FBXO15: variants seen among roughly 807,000 people sequenced by gnomAD.
The protein encoded by FBXO15 is F-box protein 15.
Under a neutral mutation model 49.5 loss-of-function variants are expected in FBXO15, and 30 were observed. The observed-to-expected ratio is 0.61, with a 90% confidence interval of 0.45 to 0.82. The LOEUF is 0.82. Among genes scored for constraint, FBXO15 ranks in the 40% least tolerant of loss-of-function variants. The pLI is 0.00. For missense variants in FBXO15, 591 were observed against 631.5 expected, an observed-to-expected ratio of 0.94 and a Z score of 0.69; for synonymous variants, 250 against 232.7, an observed-to-expected ratio of 1.07 and a Z score of -0.68.
At chr18:74,093,266 G>C (rs370257265) in intron 8 of FBXO15, among the ~76,000 whole-genome samples, 3,041 of 149,898 alleles carry the variant, frequency 0.02, 157 homozygotes, top group African/African-American at 0.07. Flanking sequence ...AAAACAATGG[G>C]GGGGGGGTGG....
intron 8 of FBXO15, among the ~76,000 whole-genome samples, chr18:74,110,359 G>C (rs1202141134): frequency 3.3e-5 from 5 of 151,366 alleles, no homozygotes; most frequent in Non-Finnish European, 7.4e-5. Context: ...TGGTAAATAT[G>C]GTAAATTGTA....
At chr18:74,103,421 T>C (rs1048713895) in intron 8 of FBXO15, among the ~76,000 whole-genome samples, 2 of 151,214 alleles carry the variant, frequency 1.3e-5, no homozygotes, top group Non-Finnish European at 2.9e-5. Context: ...GGTGTTCGAT[T>C]GAAAGTTGAG....
At chr18:74,095,335 C>T (rs1339508297) in intron 8 of FBXO15, among the ~76,000 whole-genome samples, 5 of 152,182 alleles carry the variant, frequency 3.3e-5, no homozygotes, top group Admixed American at 3.3e-4. Flanking sequence ...TTTTAACATG[C>T]CTTCCTCACT....
chr18:74,130,831 T>C lies in FBXO15; in HGVS notation c.333-173A>G, dbSNP rs562510694. On this transcript the variant is annotated intron_variant, in intron 3 of 9. Coordinates refer to ENST00000419743, the MANE Select transcript of FBXO15 (RefSeq NM_001142958.2). ...AAGTGAATTGCAGTTTGAGATTTAG[T>C]GTTTTAAATTCAACACCACCAAAAA... The C allele has an allele frequency of 1.0e-5, 7 of 700,310 alleles. No individual in the cohort carries two copies. In the Admixed American group the frequency reaches 2.4e-4, roughly 24 times the overall value. 43.4% of individuals were successfully genotyped at this position (700,310 alleles called of 1,614,324 possible). A position where few individuals can be genotyped will look rare whatever the true frequency, so the allele number is the denominator to read the frequency against.
intron 3 of FBXO15, among the ~76,000 whole-genome samples, chr18:74,133,667 G>A (rs1049315706): frequency 1.3e-5 from 2 of 152,204 alleles, no homozygotes; most frequent in African/African-American, 4.8e-5. Context: ...TAGTTCTGCA[G>A]GCTATACAAG....
rs62096992 is a variant in FBXO15 at position 74,094,402 on chromosome 18, G to A, written c.1139-12351C>T. Among the ~76,000 whole-genome samples the A allele has an allele frequency of 5.2e-3, 798 of 152,040 alleles. 6 individuals are homozygous for A. Among genetic ancestry groups the A allele is most frequent in the Non-Finnish European group, 7.9e-3 (540 of 67,972 alleles). On this transcript the variant is annotated intron_variant, in intron 8 of 9. Transcript: ENST00000419743. ...ATATGATGTGCCTACTCCCCACTTC[G>A]CCTTCCACCCTGATTGTAAGCTTCC...
At chr18:74,081,849 T>C in intron 9 of FBXO15, 78 bp downstream of exon 9, 1 of 976,966 alleles carries the variant, frequency 1.0e-6, no homozygotes, top group Non-Finnish European at 1.5e-6. Context: ...TATGACAATA[T>C]AATTTATATA....
intron 8 of FBXO15, among the ~76,000 whole-genome samples, chr18:74,083,979 T>C (rs541103879): frequency 5.3e-5 from 8 of 152,322 alleles, no homozygotes; most frequent in African/African-American, 1.7e-4. Flanking sequence ...GTGATAAAAC[T>C]GATGCAGAGA....
intron 8 of FBXO15, among the ~76,000 whole-genome samples, chr18:74,084,651 A>G (rs915744014): frequency 6.6e-6 from 1 of 152,154 alleles, no homozygotes; most frequent in Admixed American, 6.5e-5. Flanking sequence ...ATCTTAACTT[A>G]CCAATACACA....
At chr18:74,079,734 T>G (rs371041847) in intron 9 of FBXO15, among the ~76,000 whole-genome samples, 2 of 152,336 alleles carry the variant, frequency 1.3e-5, no homozygotes, top group East Asian at 3.9e-4. Context: ...AAAGATACTT[T>G]CCACCTGAAT....
In FBXO15 at chr18:74,140,277, G is replaced by A; in HGVS notation, c.152C>T (p.Ala51Val). The change falls in exon 2 of 10, where the codon GCT becomes GTT. Residue 51 changes from alanine (A) to valine (V), a missense_variant. Coordinates refer to ENST00000419743, the MANE Select transcript of FBXO15 (RefSeq NM_001142958.2). Reference sequence around the variant, plus strand: ...ACCTCCGGCATGGCACCTCAGGGCAGCAGAGCCTGCAGAAAGCTTGACCCC... The same window carrying A: ...ACCTCCGGCATGGCACCTCAGGGCAACAGAGCCTGCAGAAAGCTTGACCCC... ...GPGVKLSAGS[A>V]ALRCHAGGGQ... 2 of 1,551,364 alleles carry A rather than the reference G, an allele frequency of 1.3e-6. No individual in the cohort carries two copies. Among genetic ancestry groups the A allele is most frequent in the Non-Finnish European group, 1.7e-6 (2 of 1,146,874 alleles).
In FBXO15 at chr18:74,074,336, C is replaced by T. The variant is rs1174604353; in HGVS notation, c.1264-606G>A. On this transcript the variant is annotated intron_variant, in intron 9 of 9. Transcript: ENST00000419743. This position sits in a 1 kb window ranked among gnomAD's most constrained non-coding sequence, Gnocchi z 4.7. ...TCCCTCTCACTCTCTCCCAAGTCTT[C>T]CAAGTCTCACTGTCATCCCAAGTGA... is the stretch of plus-strand genomic sequence containing the variant. Among the ~76,000 whole-genome samples, 1 of 152,218 alleles carries T rather than the reference C, an allele frequency of 6.6e-6. No homozygotes were observed. The highest frequency in any genetic ancestry group is 1.9e-4 in the East Asian group (1 of 5,198).
chr18:74,102,978 T>C (rs1913590299), intron 8 of FBXO15, among the ~76,000 whole-genome samples: 1 of 152,012 alleles, frequency 6.6e-6, no homozygotes, highest in Admixed American at 6.6e-5. Context: ...GGGTGAGGGA[T>C]AAAAGACTAC....
chr18:74,105,636 T>C (rs1401101718), intron 8 of FBXO15, among the ~76,000 whole-genome samples: 1 of 150,888 alleles, frequency 6.6e-6, no homozygotes, highest in Non-Finnish European at 1.5e-5. Flanking sequence ...TTAGGAGAGG[T>C]AGGGTTTCAG....
chr18:74,124,722 C>T, intron 6 of FBXO15, 151 bp from the exon 7 acceptor site: 2 of 652,470 alleles, frequency 3.1e-6, no homozygotes, highest in African/African-American at 1.8e-5. Context: ...ATTATTACTG[C>T]TAATATGTTA....
Position 74,147,789 on chromosome 18 carries a change from G to C in FBXO15, c.-4C>G. 2 of 1,529,548 alleles carry C rather than the reference G, an allele frequency of 1.3e-6. No homozygotes were observed. The highest frequency in any genetic ancestry group is 1.8e-6 in the Non-Finnish European group (2 of 1,140,822). 94.7% of individuals were successfully genotyped at this position (1,529,548 alleles called of 1,614,324 possible). ...TCCGACCGCGTCCAGTCGCCATAGAGACAAGGAGTTCACCACAGGACCGCG... is the reference window on the plus strand; with the variant it reads ...TCCGACCGCGTCCAGTCGCCATAGACACAAGGAGTTCACCACAGGACCGCG... On this transcript the variant is annotated 5_prime_UTR_variant, in exon 1 of 10. Coordinates refer to ENST00000419743, the MANE Select transcript of FBXO15 (RefSeq NM_001142958.2).
chr18:74,082,298 C>T (rs1912537792), intron 8 of FBXO15, among the ~76,000 whole-genome samples: 1 of 152,162 alleles, frequency 6.6e-6, no homozygotes, highest in Non-Finnish European at 1.5e-5. Flanking sequence ...GGGAAGCTGG[C>T]TGAGGCGAGC....
At position 74,074,497 on chromosome 18, in the gene FBXO15, T is replaced by C. The variant is rs1361795053; in HGVS notation, c.1264-767A>G. ...CACAGTCACATGGCCGACACAGCAC[T>C]TCCCGGAAGTGGTCCACTTTCACTA... On this transcript the variant is annotated intron_variant, in intron 9 of 9. Coordinates refer to ENST00000419743, the MANE Select transcript of FBXO15 (RefSeq NM_001142958.2). This position sits in a 1 kb window ranked among gnomAD's most constrained non-coding sequence, Gnocchi z 4.7. Among the ~76,000 whole-genome samples the C allele has an allele frequency of 2.6e-5, 4 of 152,170 alleles. No individual in the cohort carries two copies. Among genetic ancestry groups the C allele is most frequent in the African/African-American group, 9.7e-5 (4 of 41,444 alleles).
At chr18:74,091,441 G>T (rs1275366856) in intron 8 of FBXO15, among the ~76,000 whole-genome samples, 1 of 152,124 alleles carries the variant, frequency 6.6e-6, no homozygotes, top group Non-Finnish European at 1.5e-5. Context: ...TCATCATGTT[G>T]TCAGCAGTTA....
Sources: allele counts gnomAD v4.1 joint callset (sites outside exome capture counted in the v4.1 genomes callset), GRCh38; gene constraint gnomAD v4.1.1; non-coding constraint Gnocchi (gnomAD v3.1); transcripts MANE v1.5; gene names NCBI Gene and HGNC (gene_info 2026-07-23, HGNC 2026-07-21).